The following EXOC4 variants were observed in gnomAD, a reference collection of about 807,000 sequenced individuals.
The protein encoded by EXOC4 is SEC8-like 1.
EXOC4 carries 71 observed loss-of-function variants against 107.2 expected under a neutral mutation model. That is an observed-to-expected ratio of 0.66 (90% CI 0.55 to 0.81). EXOC4 has a LOEUF of 0.81. Among genes scored for constraint, EXOC4 ranks in the 30% least tolerant of loss-of-function variants. The pLI is 0.00. For missense variants in EXOC4, 1,108 were observed against 1,189.6 expected, an observed-to-expected ratio of 0.93 and a Z score of 1.01; for synonymous variants, 456 against 441.2, an observed-to-expected ratio of 1.03 and a Z score of -0.42.
chr7:133,682,713 A>G (rs1794213478), intron 10 of EXOC4, among the ~76,000 whole-genome samples: 3 of 152,172 alleles, frequency 2.0e-5, no homozygotes, highest in Admixed American at 6.5e-5. Flanking sequence ...TCATGCACAC[A>G]TTATTATTCC....
intron 7 of EXOC4, among the ~76,000 whole-genome samples, chr7:133,437,479 A>G (rs1280612471): frequency 6.6e-6 from 1 of 152,210 alleles, no homozygotes; most frequent in Non-Finnish European, 1.5e-5. Context: ...TGGACAATGA[A>G]GAAGAATGCC....
chr7:134,007,497 A>G (rs1794668484), intron 16 of EXOC4, among the ~76,000 whole-genome samples, 179 bp from the exon 17 acceptor site: 1 of 152,220 alleles, frequency 6.6e-6, no homozygotes, highest in Non-Finnish European at 1.5e-5. Context: ...TACTAGGACA[A>G]TGTAGAAATA....
intron 1 of EXOC4, among the ~76,000 whole-genome samples, chr7:133,262,362 C>T (rs74553879): frequency 0.046 from 6,910 of 150,502 alleles, 362 homozygotes; most frequent in African/African-American, 0.13. Context: ...TTATAGTGGC[C>T]AGTTTTTTTT....
intron 9 of EXOC4, among the ~76,000 whole-genome samples, chr7:133,625,722 G>A (rs1313072454): frequency 2.0e-5 from 3 of 152,142 alleles, no homozygotes; most frequent in South Asian, 2.1e-4. Flanking sequence ...CTGGGACAGC[G>A]TGTCAAATCA....
intron 17 of EXOC4, among the ~76,000 whole-genome samples, chr7:134,028,907 G>A (rs189809475): frequency 5.1e-4 from 77 of 152,354 alleles, no homozygotes; most frequent in African/African-American, 1.8e-3. Flanking sequence ...CCTACTGGCT[G>A]CCTTGAAAGA....
At position 134,035,750 on chromosome 7, in the gene EXOC4, T is replaced by C. The variant is rs768919016; in HGVS notation, c.2687+27915T>C. ...TTGCCATCTCTCTGCTCTTCCTTCC[T>C]TAAGGTGTGTTGGCTTCATCCTCTG... On this transcript the variant is annotated intron_variant, in intron 17 of 17. Coordinates refer to ENST00000253861, the MANE Select transcript of EXOC4 (RefSeq NM_021807.4). Among the ~76,000 whole-genome samples, 3 of 152,184 alleles carry C rather than the reference T, an allele frequency of 2.0e-5. No individual in the cohort carries two copies. In the East Asian group the frequency reaches 5.8e-4, roughly 29 times the overall value.
intron 14 of EXOC4, among the ~76,000 whole-genome samples, chr7:133,992,064 TATTA>T (rs1269378288): frequency 1.3e-5 from 2 of 152,182 alleles, no homozygotes; most frequent in Non-Finnish European, 2.9e-5. Flanking sequence ...ATTTCAATAA[TATTA>T]ATTATTATTT....
At position 133,964,180 on chromosome 7, in the gene EXOC4, T is replaced by G. The variant is rs560711457; in HGVS notation, c.2206+26111T>G. On this transcript the variant is annotated intron_variant, in intron 14 of 17. Coordinates refer to ENST00000253861, the MANE Select transcript of EXOC4 (RefSeq NM_021807.4). Reference sequence around the variant, plus strand: ...GGAAGAAAGTAAACCCCAAACCTCCTTAGAAAAATCAGCAAAAGAACCAGT... The same window carrying G: ...GGAAGAAAGTAAACCCCAAACCTCCGTAGAAAAATCAGCAAAAGAACCAGT... Among the ~76,000 whole-genome samples the G allele has an allele frequency of 3.9e-5, 6 of 152,146 alleles. No homozygotes were observed. In the South Asian group the frequency reaches 1.2e-3, roughly 32 times the overall value.
At chr7:133,953,965 G>A (rs757135214) in intron 14 of EXOC4, among the ~76,000 whole-genome samples, 34 of 152,184 alleles carry the variant, frequency 2.2e-4, no homozygotes, top group Admixed American at 5.9e-4. Flanking sequence ...TATATGGGAG[G>A]AATCCTGCAG....
intron 9 of EXOC4, among the ~76,000 whole-genome samples, chr7:133,531,011 C>G (rs2150921627): frequency 6.6e-6 from 1 of 152,154 alleles, no homozygotes; most frequent in Middle Eastern, 3.4e-3. Context: ...CGTGGCCAGA[C>G]TCATACAGGC....
intron 9 of EXOC4, among the ~76,000 whole-genome samples, chr7:133,523,589 C>A (rs1001539285): frequency 1.3e-5 from 2 of 151,998 alleles, no homozygotes; most frequent in Non-Finnish European, 2.9e-5. Flanking sequence ...CTATCCCTCC[C>A]CCCTTCCCCC....
intron 7 of EXOC4, among the ~76,000 whole-genome samples, chr7:133,385,029 C>G (rs1399935361): frequency 6.6e-6 from 1 of 152,054 alleles, no homozygotes; most frequent in Non-Finnish European, 1.5e-5. Flanking sequence ...GTATCTGGCA[C>G]CATCACGCTT....
chr7:133,818,736 G>A (rs531879272), intron 11 of EXOC4, among the ~76,000 whole-genome samples: 1 of 152,110 alleles, frequency 6.6e-6, no homozygotes, highest in South Asian at 2.1e-4. Context: ...TCTCCTCTCT[G>A]GGTGTCACTT....
chr7:133,428,206 G>A (rs1797771628), intron 7 of EXOC4, among the ~76,000 whole-genome samples: 1 of 152,190 alleles, frequency 6.6e-6, no homozygotes, highest in African/African-American at 2.4e-5. Context: ...TATTCACTTG[G>A]TCTGATGTGA....
At chr7:133,897,282 GCAGTC>G (rs1799341767) in intron 12 of EXOC4, among the ~76,000 whole-genome samples, 1 of 152,048 alleles carries the variant, frequency 6.6e-6, no homozygotes, top group African/African-American at 2.4e-5. Flanking sequence ...TCATTGAGAT[GCAGTC>G]CCAATAACCT....
intron 11 of EXOC4, among the ~76,000 whole-genome samples, chr7:133,837,696 G>T (rs963493199): frequency 2.6e-5 from 4 of 152,178 alleles, no homozygotes; most frequent in Non-Finnish European, 4.4e-5. Context: ...TGTTTTTCCA[G>T]TGAGGATTCT....
chr7:133,560,750 T>C (rs1173263348), intron 9 of EXOC4, among the ~76,000 whole-genome samples: 1 of 152,176 alleles, frequency 6.6e-6, no homozygotes. Context: ...AAAGCAAAGA[T>C]GAGTAAAAGA....
At chr7:134,074,153 C>T in the EXOC4 span, among the ~76,000 whole-genome samples, 1 of 152,210 alleles carries the variant, frequency 6.6e-6, no homozygotes, top group Admixed American at 6.5e-5. Context: ...ACCCAACACT[C>T]CAGGTTGGGC....
At chr7:133,493,824 C>T (rs140989447) in intron 9 of EXOC4, among the ~76,000 whole-genome samples, 3 of 152,236 alleles carry the variant, frequency 2.0e-5, no homozygotes, top group African/African-American at 7.2e-5. Context: ...ACTTGGTGAC[C>T]TTTAGTGAAT....
Sources: gnomAD v4.1 joint callset for allele counts (sites outside exome capture counted in the v4.1 genomes callset) on GRCh38, gnomAD v4.1.1 for gene constraint, MANE v1.5 for transcripts, NCBI Gene and HGNC (gene_info 2026-07-23, HGNC 2026-07-21) for gene names.